ARHGAP15: variants seen among roughly 807,000 people sequenced by gnomAD.
ARHGAP15 encodes rho GTPase-activating protein 15.
A neutral mutation model predicts 63.7 loss-of-function variants in ARHGAP15; 51 were observed. The observed-to-expected ratio is 0.80, with a 90% CI of 0.64 to 1.01. The LOEUF is 1.01. ARHGAP15 is among the 50% of genes least tolerant of loss of function. The pLI is 0.00. For missense variants in ARHGAP15, 560 were observed against 564.6 expected (o/e 0.99, Z 0.08); for synonymous variants, 191 against 193.8 (o/e 0.99, Z 0.12).
chr2:143,638,845 C>T (rs983393011), intron 12 of ARHGAP15, among the ~76,000 whole-genome samples: 4 of 151,884 alleles, frequency 2.6e-5, no homozygotes, highest in Non-Finnish European at 5.9e-5. Flanking sequence ...CATATGATTA[C>T]AATTCTAATT....
intron 9 of ARHGAP15, among the ~76,000 whole-genome samples, chr2:143,499,110 A>T (rs1054745653): frequency 6.6e-6 from 1 of 152,196 alleles, no homozygotes; most frequent in Non-Finnish European, 1.5e-5. Flanking sequence ...AGTTAAATGC[A>T]CAGCCATCCA....
intron 12 of ARHGAP15, among the ~76,000 whole-genome samples, chr2:143,650,570 T>TC (rs1681112410): frequency 1.3e-5 from 2 of 151,912 alleles, no homozygotes; most frequent in Non-Finnish European, 2.9e-5. Context: ...CTGCACCCAC[T>TC]AAGTATTCTC....
intron 13 of ARHGAP15, among the ~76,000 whole-genome samples, chr2:143,758,850 C>A (rs1196810693): frequency 6.6e-6 from 1 of 152,156 alleles, no homozygotes; most frequent in African/African-American, 2.4e-5. Context: ...GTTTATCAAG[C>A]CTCTCCCCAG....
At chr2:143,290,395 A>G (rs1208465143) in intron 6 of ARHGAP15, among the ~76,000 whole-genome samples, 1 of 151,942 alleles carries the variant, frequency 6.6e-6, no homozygotes, top group African/African-American at 2.4e-5. Context: ...TGATGGCAAC[A>G]AGCCCAAACT....
chr2:143,752,437 TCAC>T (rs1304646654), intron 13 of ARHGAP15, among the ~76,000 whole-genome samples: 5 of 152,146 alleles, frequency 3.3e-5, no homozygotes, highest in African/African-American at 1.2e-4. Flanking sequence ...ATGTCCTAAT[TCAC>T]CACCAGGGTG....
chr2:143,311,105 T>C (rs1444138644), intron 6 of ARHGAP15, among the ~76,000 whole-genome samples: 1 of 152,082 alleles, frequency 6.6e-6, no homozygotes, highest in Non-Finnish European at 1.5e-5. Flanking sequence ...TTGGTACATT[T>C]ACTGTAACCT....
chr2:143,290,644 A>G (rs113581526), intron 6 of ARHGAP15, among the ~76,000 whole-genome samples: 2,310 of 152,228 alleles, frequency 0.015, 33 homozygotes, highest in Middle Eastern at 0.054. Context: ...GTTTTAGCCC[A>G]TGCACTTTCA....
rs187829969 is a variant in ARHGAP15, at chr2:143,400,432, T to C, written c.475-35169T>C. ...TCTAGTTGTTTGTTTACTGAGACCC[T>C]GTATCTTTTCACCAGAGTTTTGAGG... On this transcript the variant is annotated intron_variant, in intron 6 of 13. Coordinates refer to ENST00000295095, the MANE Select transcript of ARHGAP15 (RefSeq NM_018460.4). Among the ~76,000 whole-genome samples, 87 of 152,108 alleles carry C rather than the reference T, an allele frequency of 5.7e-4. 1 individual carries two copies. Among genetic ancestry groups the C allele is most frequent in the African/African-American group, 2.1e-3 (86 of 41,544 alleles).
chr2:143,703,302 A>T, intron 12 of ARHGAP15, 117 bp from the exon 13 acceptor site: 1 of 654,186 alleles, frequency 1.5e-6, no homozygotes, highest in South Asian at 2.0e-5. Flanking sequence ...TTGACTACTG[A>T]CTAGGACTCT....
chr2:143,384,676 C>A (rs1039703778), intron 6 of ARHGAP15, among the ~76,000 whole-genome samples: 1 of 152,052 alleles, frequency 6.6e-6, no homozygotes, highest in Non-Finnish European at 1.5e-5. Flanking sequence ...CTTTTCTTGG[C>A]GTCATTCAGG....
chr2:143,460,801 A>AG (rs1382529202), intron 8 of ARHGAP15, among the ~76,000 whole-genome samples: 1 of 152,172 alleles, frequency 6.6e-6, no homozygotes, highest in Non-Finnish European at 1.5e-5. Context: ...TTACCATTTT[A>AG]GGGGAAACTT....
chr2:143,409,374 G>T (rs996494889), intron 6 of ARHGAP15, among the ~76,000 whole-genome samples: 1 of 151,860 alleles, frequency 6.6e-6, no homozygotes, highest in African/African-American at 2.4e-5. Flanking sequence ...ATTTATGTCA[G>T]AAACAGAAGT....
At chr2:143,157,190 A>G (rs1690115061) in intron 2 of ARHGAP15, among the ~76,000 whole-genome samples, 1 of 151,906 alleles carries the variant, frequency 6.6e-6, no homozygotes, top group African/African-American at 2.4e-5. Flanking sequence ...ACTTTATTAC[A>G]TGTTGGGATG....
chr2:143,179,857 G>T (rs370282812), intron 2 of ARHGAP15, among the ~76,000 whole-genome samples: 1 of 148,540 alleles, frequency 6.7e-6, no homozygotes, highest in East Asian at 2.0e-4. Context: ...GCACCACTGC[G>T]CTCCAGCCTG....
chr2:143,722,557 G>A (rs763404088), intron 13 of ARHGAP15, among the ~76,000 whole-genome samples: 1 of 152,196 alleles, frequency 6.6e-6, no homozygotes, highest in Non-Finnish European at 1.5e-5. Flanking sequence ...GCAATCGGAA[G>A]TCTAAGGTTT....
rs796923943 is a variant in ARHGAP15 at position 143,330,119 on chromosome 2, A to C, written c.474+79519A>C. On this transcript the variant is annotated intron_variant, in intron 6 of 13. Transcript: ENST00000295095. ...CAAAAAAAAAAAAAAAAAAAAAAAAAAAAAAAAAAAAACCAAAAACAAAAA... is the reference window on the plus strand; with the variant it reads ...CAAAAAAAAAAAAAAAAAAAAAAAACAAAAAAAAAAAACCAAAAACAAAAA... 1.6e-3 allele frequency among the ~76,000 whole-genome samples: 109 copies of C among 67,110 alleles called. 3 individuals carry two copies. The highest frequency in any genetic ancestry group is 5.1e-3 in the African/African-American group (74 of 14,554). 44.0% of individuals were successfully genotyped at this position (67,110 alleles called of 152,430 possible). A position where few individuals can be genotyped will look rare whatever the true frequency, so the allele number is the denominator to read the frequency against.
chr2:143,675,120 T>TTTCACAGTATCTTCACCAGGGGA (rs1301033971), intron 12 of ARHGAP15, among the ~76,000 whole-genome samples: 1 of 152,216 alleles, frequency 6.6e-6, no homozygotes. Flanking sequence ...TTTCCACAGT[T>TTTCACAGTATCTTCACCAGGGGA]TTCACAGTAT....
intron 5 of ARHGAP15, among the ~76,000 whole-genome samples, chr2:143,244,615 G>A (rs1015012465): frequency 2.0e-5 from 3 of 152,164 alleles, no homozygotes; most frequent in Admixed American, 6.5e-5. Flanking sequence ...ATGGGAGAAC[G>A]CATAGAACCG....
intron 6 of ARHGAP15, among the ~76,000 whole-genome samples, chr2:143,396,429 G>A (rs1229002171): frequency 6.6e-6 from 1 of 151,962 alleles, no homozygotes; most frequent in Non-Finnish European, 1.5e-5. Flanking sequence ...CAGGAATACA[G>A]CATCACCTGT....
Sources: allele counts gnomAD v4.1 joint callset (sites outside exome capture counted in the v4.1 genomes callset), GRCh38; gene constraint gnomAD v4.1.1; transcripts MANE v1.5; gene names NCBI Gene and HGNC (gene_info 2026-07-23, HGNC 2026-07-21).